The following HSPA12A variants were observed in gnomAD, a reference collection of about 807,000 sequenced individuals.
HSPA12A encodes heat shock protein family A (Hsp70) member 12A.
In HSPA12A, 28 loss-of-function variants were observed where a neutral mutation model predicts 69.2. The observed-to-expected ratio is 0.40, with a 90% CI of 0.30 to 0.55. HSPA12A has a LOEUF of 0.55. Ranked by LOEUF, HSPA12A falls within the 20% of genes least tolerant of loss-of-function variation. The pLI, the probability that HSPA12A is intolerant of heterozygous loss-of-function variation, is 0.38. For missense variants in HSPA12A, 686 were observed against 900.7 expected (o/e 0.76, Z 3.05); for synonymous variants, 345 against 370.5 (o/e 0.93, Z 0.79).
chr10:116,681,004 C>G (rs891339087), intron 9 of HSPA12A, 148 bp downstream of exon 9: 5 of 581,990 alleles, frequency 8.6e-6, no homozygotes, highest in Non-Finnish European at 1.5e-5. Flanking sequence ...TTTCCAATTT[C>G]AAGCAGACAT....
chr10:116,695,201 C>T (rs1207301861), intron 5 of HSPA12A, among the ~76,000 whole-genome samples: 8 of 151,942 alleles, frequency 5.3e-5, no homozygotes, highest in African/African-American at 1.9e-4. Context: ...ACACCACCGA[C>T]CTCCACCCTG....
At chr10:116,712,909 A>T (rs1022146876) in intron 1 of HSPA12A, among the ~76,000 whole-genome samples, 16 of 148,736 alleles carry the variant, frequency 1.1e-4, no homozygotes, top group Non-Finnish European at 2.2e-4. Flanking sequence ...AGATTTACGT[A>T]TCCATCAAAT....
chr10:116,740,459 C>T (rs888458279), intron 1 of HSPA12A, among the ~76,000 whole-genome samples: 1 of 152,228 alleles, frequency 6.6e-6, no homozygotes, highest in South Asian at 2.1e-4. Context: ...ACAGCCCGCT[C>T]TTCAGGTTGG....
chr10:116,743,353 C>G (rs1851575728), upstream of HSPA12A, among the ~76,000 whole-genome samples: 1 of 152,236 alleles, frequency 6.6e-6, no homozygotes. Flanking sequence ...CCAGGCACCC[C>G]CTGGGTCCGC....
At chr10:116,689,217 G>T (rs1849664507) in intron 6 of HSPA12A, among the ~76,000 whole-genome samples, 1 of 119,442 alleles carries the variant, frequency 8.4e-6, no homozygotes, top group Non-Finnish European at 1.7e-5. Context: ...CTGGCAGGTG[G>T]GAGGTTCAAG....
rs1554884973 is a variant in HSPA12A, at chr10:116,726,027, G to GCACGCA, written c.40+16402_40+16403insTGCGTG. On this transcript the variant is annotated intron_variant, in intron 1 of 11. Coordinates refer to ENST00000369209, the MANE Select transcript of HSPA12A (RefSeq NM_025015.3). ...ACAAGGTTTAGACACACACACACAC[G>GCACGCA]CACACACACACACACACACACACAC... Among the ~76,000 whole-genome samples the GCACGCA allele has an allele frequency of 8.5e-3, 1,245 of 146,216 alleles. 27 individuals are homozygous for GCACGCA. Among genetic ancestry groups the GCACGCA allele is most frequent in the African/African-American group, 0.029 (1,130 of 39,078 alleles).
intron 2 of HSPA12A, among the ~76,000 whole-genome samples, chr10:116,808,979 C>T (rs1216267221): frequency 6.6e-6 from 1 of 152,158 alleles, no homozygotes; most frequent in East Asian, 1.9e-4. Context: ...CGGGAGGGGC[C>T]TCCTTCCACA....
chr10:116,765,697 G>A (rs1259216715), intron 2 of HSPA12A, among the ~76,000 whole-genome samples: 2 of 152,126 alleles, frequency 1.3e-5, no homozygotes, highest in African/African-American at 4.8e-5. Flanking sequence ...TGTGGGGCAG[G>A]ACACACCCGT....
At chr10:116,818,877 C>T (rs1012153132) in intron 2 of HSPA12A, among the ~76,000 whole-genome samples, 1 of 152,158 alleles carries the variant, frequency 6.6e-6, no homozygotes, top group Admixed American at 6.5e-5. Context: ...CAACACATTG[C>T]AGTGTGTCTC....
intron 1 of HSPA12A, among the ~76,000 whole-genome samples, chr10:116,732,936 C>G (rs1211235328): frequency 6.6e-6 from 1 of 152,154 alleles, no homozygotes; most frequent in Non-Finnish European, 1.5e-5. Context: ...CTTCCCCTCC[C>G]TGACTTCAGT....
At chr10:116,768,340 G>A (rs1844126395) in intron 2 of HSPA12A, among the ~76,000 whole-genome samples, 1 of 152,166 alleles carries the variant, frequency 6.6e-6, no homozygotes, top group South Asian at 2.1e-4. Context: ...GCTTGCCAGG[G>A]GCTGTGGGGA....
At position 116,672,594 on chromosome 10, in the gene HSPA12A, A is replaced by G. The variant is rs1323384293; in HGVS notation, c.*2187T>C. 6.6e-6 allele frequency: 1 copy of G among 152,582 alleles called. No individual in the cohort carries two copies. The highest frequency in any genetic ancestry group is 6.5e-5 in the Admixed American group (1 of 15,286). 9.5% of individuals were successfully genotyped at this position (152,582 alleles called of 1,614,324 possible). The stretch of plus-strand genomic sequence containing the variant: ...GTGAGCACAATTAAGAAACCAAACT[A>G]TGGAAAATTAAGGACAGTAACAAAA... On this transcript the variant is annotated 3_prime_UTR_variant, in exon 12 of 12. Transcript: ENST00000369209.
chr10:116,820,064 T>C (rs1357159953), intron 2 of HSPA12A, among the ~76,000 whole-genome samples: 1 of 152,124 alleles, frequency 6.6e-6, no homozygotes, highest in East Asian at 1.9e-4. Flanking sequence ...GCTCAAGCAA[T>C]TCACCCACCT....
chr10:116,762,502 G>C (rs1843993176), intron 2 of HSPA12A, among the ~76,000 whole-genome samples: 1 of 152,036 alleles, frequency 6.6e-6, no homozygotes, highest in South Asian at 2.1e-4. Flanking sequence ...CACATCCTCT[G>C]CATCTCACAT....
chr10:116,727,540 G>A (rs899116910), intron 1 of HSPA12A, among the ~76,000 whole-genome samples: 15 of 152,114 alleles, frequency 9.9e-5, no homozygotes, highest in Non-Finnish European at 1.9e-4. Context: ...GAGTACAGGC[G>A]TCCCCAACTG....
intron 1 of HSPA12A, among the ~76,000 whole-genome samples, chr10:116,711,696 G>A (rs529379900): frequency 1.1e-4 from 14 of 123,776 alleles, no homozygotes; most frequent in African/African-American, 2.5e-4. Flanking sequence ...ACTGAGTCTC[G>A]CTCTGTCGCC....
chr10:116,720,123 A>T (rs980297135), intron 1 of HSPA12A, among the ~76,000 whole-genome samples: 2 of 152,236 alleles, frequency 1.3e-5, no homozygotes, highest in Non-Finnish European at 2.9e-5. Context: ...TTATATGTGA[A>T]TTATATCTCA....
intron 2 of HSPA12A, among the ~76,000 whole-genome samples, chr10:116,771,098 G>C (rs1375909465): frequency 6.6e-6 from 1 of 152,150 alleles, no homozygotes; most frequent in East Asian, 1.9e-4. Context: ...ACCCTGGACT[G>C]TGGCTCCCGA....
intron 1 of HSPA12A, among the ~76,000 whole-genome samples, chr10:116,734,442 T>A (rs1851249484): frequency 7.3e-6 from 1 of 136,530 alleles, no homozygotes; most frequent in East Asian, 2.1e-4. Context: ...AGAGCGAGAC[T>A]CTGTCTAAAA....
Sources: allele counts gnomAD v4.1 joint callset (sites outside exome capture counted in the v4.1 genomes callset), GRCh38; gene constraint gnomAD v4.1.1; transcripts MANE v1.5; gene names NCBI Gene and HGNC (gene_info 2026-07-23, HGNC 2026-07-21).